GPR39: variants seen among roughly 807,000 people sequenced by gnomAD.
GPR39 encodes G protein-coupled receptor 39.
Under a neutral mutation model 18.4 loss-of-function variants are expected in GPR39, and 23 were observed. The observed-to-expected ratio is 1.25, with a 90% confidence interval of 0.90 to 1.77. GPR39 has a LOEUF of 1.77. Ranked by LOEUF, GPR39 falls within the 40% of genes most tolerant of loss-of-function variation. GPR39 has a pLI of 0.00. For synonymous variants in GPR39, 280 were observed against 257.9 expected, an observed-to-expected ratio of 1.09 and a Z score of -0.82; for missense variants, 647 against 602.4, an observed-to-expected ratio of 1.07 and a Z score of -0.78.
intron 1 of GPR39, among the ~76,000 whole-genome samples, chr2:132,419,540 A>T (rs894302011): frequency 6.6e-6 from 1 of 152,134 alleles, no homozygotes; most frequent in Non-Finnish European, 1.5e-5. Flanking sequence ...TTATCTTGGG[A>T]CTTGGGAAGC....
chr2:132,588,257 TTC>T (rs1276230089), intron 1 of GPR39, among the ~76,000 whole-genome samples: 1 of 152,216 alleles, frequency 6.6e-6, no homozygotes, highest in Non-Finnish European at 1.5e-5. Flanking sequence ...GGAGGTTCTC[TTC>T]GCACTTGCAC....
intron 1 of GPR39, among the ~76,000 whole-genome samples, chr2:132,427,189 G>A (rs1473858764): frequency 8.0e-6 from 1 of 125,176 alleles, no homozygotes; most frequent in African/African-American, 3.3e-5. Context: ...TTTTGAGACG[G>A]AGTCTTGCTC....
chr2:132,590,162 A>G (rs572547417), intron 1 of GPR39, among the ~76,000 whole-genome samples: 42 of 152,362 alleles, frequency 2.8e-4, no homozygotes, highest in African/African-American at 9.9e-4. Context: ...TTCAAATGCA[A>G]AGATGCTGCA....
At chr2:132,540,501 C>T (rs1679843077) in intron 1 of GPR39, among the ~76,000 whole-genome samples, 1 of 152,182 alleles carries the variant, frequency 6.6e-6, no homozygotes, top group Non-Finnish European at 1.5e-5. Context: ...CTGGAGACCC[C>T]TGTCTGCCAC....
rs562614762 is a variant in GPR39, at chr2:132,426,848, A to C, written c.856+8950A>C. 4.6e-5 allele frequency among the ~76,000 whole-genome samples: 7 copies of C among 152,148 alleles called. No individual in the cohort carries two copies. In the South Asian group the frequency reaches 1.2e-3, roughly 27 times the overall value. Reference sequence around the variant, plus strand: ...TCGGGAGGCAAGGCTGCAGCATCAAAGTTGCCATTGTACTTGTTCAGTGTC... The same window carrying C: ...TCGGGAGGCAAGGCTGCAGCATCAACGTTGCCATTGTACTTGTTCAGTGTC... On this transcript the variant is annotated intron_variant, in intron 1 of 1. Transcript: ENST00000329321.
At chr2:132,521,507 A>G (rs1007468365) in intron 1 of GPR39, among the ~76,000 whole-genome samples, 7 of 152,036 alleles carry the variant, frequency 4.6e-5, no homozygotes, top group African/African-American at 1.5e-4. Flanking sequence ...TTCACCTCTG[A>G]CTCACACCAC....
At chr2:132,453,528 T>G (rs1213055222) in intron 1 of GPR39, among the ~76,000 whole-genome samples, 1 of 152,236 alleles carries the variant, frequency 6.6e-6, no homozygotes, top group Non-Finnish European at 1.5e-5. Flanking sequence ...CCATTGCTTT[T>G]GGTGTTTTAG....
intron 1 of GPR39, among the ~76,000 whole-genome samples, chr2:132,572,538 A>T (rs1461386501): frequency 1.6e-5 from 2 of 126,476 alleles, no homozygotes; most frequent in Non-Finnish European, 1.6e-5. Context: ...AGAAGAGATT[A>T]AAAAAAAAAA....
chr2:132,427,919 ATATATATATTATATATAGT>A (rs969040541), intron 1 of GPR39, among the ~76,000 whole-genome samples: 35 of 146,424 alleles, frequency 2.4e-4, no homozygotes, highest in South Asian at 6.3e-4. Flanking sequence ...TTATATTTAA[ATATATATATTATATATAGT>A]TATATATATT....
At chr2:132,492,877 AT>A (rs1311506204) in intron 1 of GPR39, among the ~76,000 whole-genome samples, 26 of 143,036 alleles carry the variant, frequency 1.8e-4, no homozygotes, top group African/African-American at 6.1e-4. Flanking sequence ...TGTACACCAT[AT>A]ATATACACCA....
intron 1 of GPR39, among the ~76,000 whole-genome samples, chr2:132,503,859 A>G (rs1679087119): frequency 6.6e-6 from 1 of 152,176 alleles, no homozygotes; most frequent in Non-Finnish European, 1.5e-5. Context: ...TGAGTCATAC[A>G]GGTCACCAAG....
chr2:132,577,017 G>A (rs1680540700), intron 1 of GPR39, among the ~76,000 whole-genome samples: 1 of 151,464 alleles, frequency 6.6e-6, no homozygotes, highest in Admixed American at 6.6e-5. Flanking sequence ...AGCTATATAA[G>A]TCTCAAAATG....
At chr2:132,469,614 G>A (rs1018125877) in intron 1 of GPR39, among the ~76,000 whole-genome samples, 4 of 152,180 alleles carry the variant, frequency 2.6e-5, no homozygotes, top group African/African-American at 9.7e-5. Flanking sequence ...AGGTGGAAGA[G>A]GTAGTCGTAT....
At chr2:132,527,733 G>A (rs1036993796) in intron 1 of GPR39, among the ~76,000 whole-genome samples, 2 of 152,128 alleles carry the variant, frequency 1.3e-5, no homozygotes, top group African/African-American at 4.8e-5. Flanking sequence ...CTACATAAAT[G>A]TCTTCTTTTG....
intron 1 of GPR39, among the ~76,000 whole-genome samples, chr2:132,511,778 C>T (rs769077777): frequency 3.3e-5 from 5 of 152,172 alleles, no homozygotes; most frequent in Non-Finnish European, 7.3e-5. Flanking sequence ...CTATTTAACT[C>T]TACCAACCAC....
intron 1 of GPR39, among the ~76,000 whole-genome samples, chr2:132,434,899 C>T (rs1680285216): frequency 6.6e-6 from 1 of 152,186 alleles, no homozygotes; most frequent in Admixed American, 6.5e-5. Context: ...TAAGACACCA[C>T]ACCAGAGGAA....
chr2:132,508,968 C>A (rs1257135072), intron 1 of GPR39, among the ~76,000 whole-genome samples: 1 of 152,138 alleles, frequency 6.6e-6, no homozygotes, highest in Non-Finnish European at 1.5e-5. Flanking sequence ...TTTGGTCTCC[C>A]AGAAGAAGGA....
chr2:132,527,446 G>A (rs940041536), intron 1 of GPR39, among the ~76,000 whole-genome samples: 2 of 152,132 alleles, frequency 1.3e-5, no homozygotes, highest in African/African-American at 2.4e-5. Flanking sequence ...GTTCGTTTGG[G>A]TATATACCCA....
intron 1 of GPR39, among the ~76,000 whole-genome samples, chr2:132,595,992 C>G (rs1320584712): frequency 6.6e-6 from 1 of 152,086 alleles, no homozygotes; most frequent in Non-Finnish European, 1.5e-5. Context: ...TTTAGTGTAG[C>G]CAGCTCTCCC....
Sources: allele counts gnomAD v4.1 joint callset (sites outside exome capture counted in the v4.1 genomes callset), GRCh38; gene constraint gnomAD v4.1.1; transcripts MANE v1.5; gene names NCBI Gene and HGNC (gene_info 2026-07-23, HGNC 2026-07-21).